Variants in NRXN3 observed in about 807,000 individuals in gnomAD.
NRXN3 encodes the protein neurexin 3.
In NRXN3, 32 loss-of-function variants were observed where a neutral mutation model predicts 137.6. The observed-to-expected ratio is 0.23, with a 90% CI of 0.18 to 0.31. The LOEUF (loss-of-function observed/expected upper bound fraction) is 0.31, where lower values mean the gene tolerates loss of function less well. Ranked by LOEUF, NRXN3 falls within the 10% of genes least tolerant of loss-of-function variation. NRXN3 has a pLI of 1.00. For missense variants in NRXN3, 1,574 were observed against 2,062.5 expected, an observed-to-expected ratio of 0.76 and a Z score of 4.59; for synonymous variants, 798 against 784.5, an observed-to-expected ratio of 1.02 and a Z score of -0.29.
At chr14:78,180,460 T>G (rs1409974278) in intron 1 of NRXN3, among the ~76,000 whole-genome samples, 1 of 152,236 alleles carries the variant, frequency 6.6e-6, no homozygotes, top group African/African-American at 2.4e-5. Context: ...CATATGAAGT[T>G]GGGAGGATTC....
chr14:78,924,679 G>A (rs534357415), intron 10 of NRXN3, among the ~76,000 whole-genome samples: 72 of 152,222 alleles, frequency 4.7e-4, no homozygotes, highest in African/African-American at 1.6e-3. Flanking sequence ...TCAAAAAAAA[G>A]TAAAGCAGTA....
chr14:79,163,182 G>C (rs1372539205), intron 15 of NRXN3, among the ~76,000 whole-genome samples: 1 of 151,924 alleles, frequency 6.6e-6, no homozygotes, highest in Non-Finnish European at 1.5e-5. Context: ...AGTAGTTTTA[G>C]AGACTGCCAT....
At chr14:79,565,425 C>A (rs1241505014) in intron 16 of NRXN3, among the ~76,000 whole-genome samples, 1 of 150,368 alleles carries the variant, frequency 6.7e-6, no homozygotes, top group Non-Finnish European at 1.5e-5. Flanking sequence ...CCAGGGGTCC[C>A]CAAGAATGAG....
chr14:79,522,358 A>G (rs1172566573), intron 16 of NRXN3, among the ~76,000 whole-genome samples: 5 of 152,158 alleles, frequency 3.3e-5, no homozygotes, highest in African/African-American at 1.2e-4. Context: ...GCACAGGGGT[A>G]TATGAGCTTT....
At chr14:79,026,950 T>TTATATATATATATATA (rs764640398) in intron 15 of NRXN3, among the ~76,000 whole-genome samples, 1 of 135,178 alleles carries the variant, frequency 7.4e-6, no homozygotes, top group African/African-American at 3.0e-5. Flanking sequence ...TATTATAATT[T>TTATATATATATATATA]TATATATATA....
At chr14:78,989,643 C>T (rs553452268) in intron 15 of NRXN3, among the ~76,000 whole-genome samples, 11 of 152,188 alleles carry the variant, frequency 7.2e-5, no homozygotes, top group African/African-American at 2.4e-4. Flanking sequence ...AGTTATAAAC[C>T]CAGCCAGCCA....
rs1335579567 is a variant in NRXN3, at chr14:78,443,973, C to A, written c.757+146113C>A. Among the ~76,000 whole-genome samples, 8 of 152,252 alleles carry A rather than the reference C, an allele frequency of 5.3e-5. No individual in the cohort carries two copies. In the East Asian group the frequency reaches 9.7e-4, roughly 18 times the overall value. ...AAGGCAAAAACAGCAATGACTTTTTCACCAACCTAATAGTTTTGTCACATT... is the reference window on the plus strand; with the variant it reads ...AAGGCAAAAACAGCAATGACTTTTTAACCAACCTAATAGTTTTGTCACATT... On this transcript the variant is annotated intron_variant, in intron 4 of 20. Transcript: ENST00000335750.
chr14:79,175,303 G>GA (rs1224910692), intron 15 of NRXN3, among the ~76,000 whole-genome samples: 4 of 152,104 alleles, frequency 2.6e-5, no homozygotes, highest in Non-Finnish European at 4.4e-5. Flanking sequence ...TAAAAGACCT[G>GA]AAATAAGGAA....
chr14:79,851,244 A>C (rs1322188349), intron 20 of NRXN3, among the ~76,000 whole-genome samples: 1 of 152,144 alleles, frequency 6.6e-6, no homozygotes, highest in Non-Finnish European at 1.5e-5. Context: ...ATGTCATTTG[A>C]TGCCTTTTGA....
intron 4 of NRXN3, among the ~76,000 whole-genome samples, chr14:78,534,005 T>C (rs1173241714): frequency 1.3e-5 from 2 of 152,222 alleles, no homozygotes; most frequent in East Asian, 3.8e-4. Flanking sequence ...TTTGAAGAAA[T>C]TCAGGCTTTT....
intron 19 of NRXN3, among the ~76,000 whole-genome samples, chr14:79,754,563 T>C (rs1415250587): frequency 2.3e-5 from 1 of 44,102 alleles, no homozygotes. Flanking sequence ...TATATATATA[T>C]GCACACATAC....
intron 15 of NRXN3, among the ~76,000 whole-genome samples, chr14:79,196,575 A>G (rs1269646264): frequency 1.4e-5 from 2 of 142,042 alleles, no homozygotes; most frequent in East Asian, 6.2e-4. Flanking sequence ...ACTCTGGGGG[A>G]CACATTCGAA....
At chr14:78,565,036 C>A (rs2096824530) in intron 4 of NRXN3, among the ~76,000 whole-genome samples, 1 of 152,174 alleles carries the variant, frequency 6.6e-6, no homozygotes. Context: ...TTTTGTATGA[C>A]CATATGTTGT....
chr14:78,499,597 A>T (rs946921317), intron 4 of NRXN3, among the ~76,000 whole-genome samples: 1 of 152,218 alleles, frequency 6.6e-6, no homozygotes, highest in East Asian at 1.9e-4. Context: ...TTTAAGAGTC[A>T]GGAATCTGGG....
intron 6 of NRXN3, among the ~76,000 whole-genome samples, chr14:78,704,758 G>C (rs1206498417): frequency 6.6e-6 from 1 of 152,082 alleles, no homozygotes; most frequent in Non-Finnish European, 1.5e-5. Context: ...TGAACTCCAT[G>C]TCTGTAAAAT....
At chr14:79,687,758 G>A (rs1396580289) in intron 17 of NRXN3, among the ~76,000 whole-genome samples, 1 of 152,078 alleles carries the variant, frequency 6.6e-6, no homozygotes, top group Non-Finnish European at 1.5e-5. Context: ...GTGCAAATTG[G>A]CAGAACCTTT....
chr14:79,337,240 T>TG (rs1420473391), intron 15 of NRXN3, among the ~76,000 whole-genome samples: 1 of 152,188 alleles, frequency 6.6e-6, no homozygotes, highest in African/African-American at 2.4e-5. Flanking sequence ...TCCTTATTGA[T>TG]GCTATTTTAA....
chr14:79,262,580 T>G (rs563220068), intron 15 of NRXN3, among the ~76,000 whole-genome samples: 36 of 151,750 alleles, frequency 2.4e-4, no homozygotes, highest in African/African-American at 8.2e-4. Context: ...AGAAGAAGAA[T>G]AACAAGAAGG....
At position 78,912,081 on chromosome 14, in the gene NRXN3, C is replaced by T. The variant is rs1286048929; in HGVS notation, c.2276-45161C>T. Among the ~76,000 whole-genome samples the T allele has an allele frequency of 2.0e-5, 3 of 151,748 alleles. No individual in the cohort carries two copies. The East Asian group carries it at 5.9e-4, about 30-fold the overall frequency. The stretch of plus-strand genomic sequence containing the variant: ...GCTATCCCTCCCCCTGCCCCCCATC[C>T]CACAACAGTCCCCGGTGTGTGATGT... On this transcript the variant is annotated intron_variant, in intron 10 of 20. Transcript: ENST00000335750.
Sources: allele counts gnomAD v4.1 joint callset (sites outside exome capture counted in the v4.1 genomes callset), GRCh38; gene constraint gnomAD v4.1.1; transcripts MANE v1.5; gene names NCBI Gene and HGNC (gene_info 2026-07-23, HGNC 2026-07-21).